Variants in DLGAP2 observed in about 807,000 individuals in gnomAD.
The protein encoded by DLGAP2 is disks large-associated protein 2.
A neutral mutation model predicts 100.3 loss-of-function variants in DLGAP2; 26 were observed. The observed-to-expected ratio is 0.26, with a 90% CI of 0.19 to 0.36. The LOEUF is 0.36. DLGAP2 is among the 10% of genes least tolerant of loss of function. DLGAP2 has a pLI of 1.00. For missense variants in DLGAP2, 1,858 were observed against 1,453.2 expected (o/e 1.28, Z -4.53); for synonymous variants, 886 against 630.1 (o/e 1.41, Z -6.08).
At chr8:1,064,937 G>A (rs552803829) in intron 2 of DLGAP2, among the ~76,000 whole-genome samples, 5 of 152,280 alleles carry the variant, frequency 3.3e-5, no homozygotes, top group South Asian at 2.1e-4. Flanking sequence ...AGAGCATTGC[G>A]GTATCATGAG....
At position 1,222,956 on chromosome 8, in the gene DLGAP2, C is replaced by G. The variant is rs76986284; in HGVS notation, c.74-35895C>G. Among the ~76,000 whole-genome samples, 3 of 152,218 alleles carry G rather than the reference C, an allele frequency of 2.0e-5. No individual in the cohort carries two copies. In the South Asian group the frequency reaches 6.2e-4, roughly 32 times the overall value. On this transcript the variant is annotated intron_variant, in intron 2 of 14. Transcript: ENST00000637795. ...CCTAAAGCCACCTAGAGGAGTGTGG[C>G]AAGCCTTGGGGGACGGGTGCCCATG...
chr8:1,617,981 C>A (rs1797211795), intron 6 of DLGAP2, among the ~76,000 whole-genome samples: 1 of 152,152 alleles, frequency 6.6e-6, no homozygotes, highest in Admixed American at 6.5e-5. Context: ...ACAGTTCTAA[C>A]CCTGGGGAAA....
intron 2 of DLGAP2, among the ~76,000 whole-genome samples, chr8:976,692 A>C (rs986390411): frequency 6.6e-6 from 1 of 152,222 alleles, no homozygotes; most frequent in African/African-American, 2.4e-5. Flanking sequence ...AGTGTAGAAA[A>C]GATGGCTTTT....
At chr8:1,373,026 T>A (rs1802283941) in intron 3 of DLGAP2, among the ~76,000 whole-genome samples, 2 of 152,170 alleles carry the variant, frequency 1.3e-5, no homozygotes, top group African/African-American at 4.8e-5. Flanking sequence ...GAGCCGTCCT[T>A]GAAGAACACC....
At position 821,339 on chromosome 8, in the gene DLGAP2, C is replaced by T. The variant is rs114731751; in HGVS notation, c.18+83514C>T. On this transcript the variant is annotated intron_variant, in intron 1 of 14. Transcript: ENST00000637795. ...AAAGTGTATGTAGGAGAGTGTTTTG[C>T]GATCACCAGCTCAGTGAGAAGAAAA... is the stretch of plus-strand genomic sequence containing the variant. Among the ~76,000 whole-genome samples the T allele has an allele frequency of 3.6e-3, 548 of 152,176 alleles. 3 individuals are homozygous for T. Among genetic ancestry groups the T allele is most frequent in the African/African-American group, 0.013 (525 of 41,500 alleles).
chr8:1,028,060 C>A (rs1405414607), intron 2 of DLGAP2, among the ~76,000 whole-genome samples: 1 of 137,834 alleles, frequency 7.3e-6, no homozygotes, highest in Non-Finnish European at 1.5e-5. Context: ...CATTATTCTC[C>A]AGGTGGGGTG....
At chr8:1,179,445 G>T (rs372299818) in intron 2 of DLGAP2, among the ~76,000 whole-genome samples, 1 of 152,230 alleles carries the variant, frequency 6.6e-6, no homozygotes, top group Non-Finnish European at 1.5e-5. Context: ...GCTCCCTGCT[G>T]TCCACACCTT....
At chr8:1,216,824 G>T (rs1011589539) in intron 2 of DLGAP2, among the ~76,000 whole-genome samples, 2 of 152,028 alleles carry the variant, frequency 1.3e-5, no homozygotes, top group Non-Finnish European at 2.9e-5. Flanking sequence ...CCTAATCAGG[G>T]AATGAGTTCT....
intron 2 of DLGAP2, among the ~76,000 whole-genome samples, chr8:1,097,061 GT>G (rs1401795175): frequency 7.1e-6 from 1 of 140,504 alleles, no homozygotes; most frequent in Non-Finnish European, 1.5e-5. Flanking sequence ...GCATGGAGAG[GT>G]CCCCTCCAGT....
chr8:965,352 C>G (rs1304010547), intron 2 of DLGAP2, among the ~76,000 whole-genome samples: 1 of 86,642 alleles, frequency 1.2e-5, no homozygotes, highest in Non-Finnish European at 2.2e-5. Context: ...CCACACAGGG[C>G]TCCTGAGTCT....
At chr8:987,302 G>A (rs567015793) in intron 2 of DLGAP2, among the ~76,000 whole-genome samples, 29 of 152,216 alleles carry the variant, frequency 1.9e-4, no homozygotes, top group African/African-American at 4.3e-4. Flanking sequence ...GGTTTAGGAC[G>A]TGTCCACGGG....
At chr8:1,294,567 G>A (rs1017761515) in intron 3 of DLGAP2, among the ~76,000 whole-genome samples, 2 of 152,340 alleles carry the variant, frequency 1.3e-5, no homozygotes, top group South Asian at 2.1e-4. Context: ...CGTCCCACCT[G>A]TGTCGTGGCA....
intron 6 of DLGAP2, among the ~76,000 whole-genome samples, chr8:1,590,086 A>T (rs547120998): frequency 6.6e-6 from 1 of 151,862 alleles, no homozygotes; most frequent in South Asian, 2.1e-4. Context: ...TGGGTGCATC[A>T]CTCCACCCTC....
intron 3 of DLGAP2, among the ~76,000 whole-genome samples, chr8:1,312,631 A>G (rs1367347712): frequency 1.3e-5 from 2 of 152,226 alleles, no homozygotes; most frequent in Admixed American, 1.3e-4. Context: ...AATGACGCAT[A>G]ATTACACACT....
At chr8:1,308,209 G>C (rs1284311456) in intron 3 of DLGAP2, among the ~76,000 whole-genome samples, 1 of 152,192 alleles carries the variant, frequency 6.6e-6, no homozygotes, top group Non-Finnish European at 1.5e-5. Context: ...AATGGGAAAG[G>C]TGTTTTTGTC....
At chr8:1,164,881 A>G (rs929958448) in intron 2 of DLGAP2, among the ~76,000 whole-genome samples, 1 of 151,916 alleles carries the variant, frequency 6.6e-6, no homozygotes, top group Admixed American at 6.6e-5. Context: ...CTGTGGTCTC[A>G]CTCTTGACCT....
chr8:984,223 G>A (rs1286075268), intron 2 of DLGAP2, among the ~76,000 whole-genome samples: 1 of 152,152 alleles, frequency 6.6e-6, no homozygotes, highest in South Asian at 2.1e-4. Flanking sequence ...ACCTGACCTT[G>A]GGCACAGCAC....
At chr8:759,978 T>A (rs947491628) in intron 1 of DLGAP2, among the ~76,000 whole-genome samples, 3 of 152,194 alleles carry the variant, frequency 2.0e-5, no homozygotes, top group African/African-American at 7.2e-5. Context: ...ATTGTCAGGG[T>A]TGAGACCATT....
chr8:1,296,811 G>C (rs552975803), intron 3 of DLGAP2, among the ~76,000 whole-genome samples: 1 of 152,174 alleles, frequency 6.6e-6, no homozygotes, highest in South Asian at 2.1e-4. Context: ...GTGCACAGCC[G>C]CACCGGAGCG....
Sources: allele counts gnomAD v4.1 joint callset (sites outside exome capture counted in the v4.1 genomes callset), GRCh38; gene constraint gnomAD v4.1.1; transcripts MANE v1.5; gene names NCBI Gene and HGNC (gene_info 2026-07-23, HGNC 2026-07-21).